The following RGS8 variants were observed in gnomAD, a reference collection of about 807,000 sequenced individuals.
RGS8 encodes regulator of G protein signaling 8.
RGS8 carries 8 observed loss-of-function variants against 21.7 expected under a neutral mutation model. The ratio of observed to expected loss-of-function variants is 0.37; its 90% CI spans 0.22 to 0.66. The LOEUF (loss-of-function observed/expected upper bound fraction) is 0.66. RGS8 is among the 30% of genes least tolerant of loss of function. The pLI, the probability that RGS8 is intolerant of heterozygous loss-of-function variation, is 0.59. For missense variants in RGS8, 157 were observed against 217.9 expected, an observed-to-expected ratio of 0.72 and a Z score of 1.76; for synonymous variants, 80 against 83.6, an observed-to-expected ratio of 0.96 and a Z score of 0.24.
chr1:182,703,893 G>A, the RGS8 span, among the ~76,000 whole-genome samples: 11 of 152,234 alleles, frequency 7.2e-5, no homozygotes, highest in South Asian at 6.2e-4. Flanking sequence ...TTTATTATTC[G>A]TTTAACAAAT....
chr1:182,725,832 C>T, the RGS8 span, among the ~76,000 whole-genome samples: 15 of 152,218 alleles, frequency 9.9e-5, no homozygotes, highest in African/African-American at 2.2e-4. Context: ...TACAGGCAAA[C>T]GAAAGATATA....
At chr1:182,703,861 T>C in the RGS8 span, among the ~76,000 whole-genome samples, 1 of 152,160 alleles carries the variant, frequency 6.6e-6, no homozygotes, top group Admixed American at 6.5e-5. Context: ...AGATAAAAAT[T>C]TGTAGGAGTT....
chr1:182,719,076 G>A, the RGS8 span, among the ~76,000 whole-genome samples: 3 of 152,124 alleles, frequency 2.0e-5, no homozygotes, highest in Non-Finnish European at 2.9e-5. Flanking sequence ...ATGTTTCCCC[G>A]GTTTCTTTCT....
chr1:182,678,149 T>C (rs1278311463), intron 1 of RGS8, among the ~76,000 whole-genome samples: 6 of 152,234 alleles, frequency 3.9e-5, no homozygotes, highest in African/African-American at 1.4e-4. Flanking sequence ...TTTAGAGGTA[T>C]ACTCTGAAAT....
intron 5 of RGS8, among the ~76,000 whole-genome samples, chr1:182,648,964 G>T (rs1238709053): frequency 2.6e-5 from 4 of 152,104 alleles, no homozygotes; most frequent in African/African-American, 7.2e-5. Flanking sequence ...GCTGGGTGTG[G>T]TGGTGCATGC....
the RGS8 span, among the ~76,000 whole-genome samples, chr1:182,706,078 G>A: frequency 6.6e-6 from 1 of 152,076 alleles, no homozygotes; most frequent in Non-Finnish European, 1.5e-5. Flanking sequence ...TGCCTCCTGG[G>A]CTCAAGTAAT....
chr1:182,702,957 C>T, the RGS8 span, among the ~76,000 whole-genome samples: 6,041 of 152,236 alleles, frequency 0.04, 161 homozygotes, highest in East Asian at 0.1. Context: ...AATGTATAGG[C>T]AATGATAAAG....
the RGS8 span, among the ~76,000 whole-genome samples, chr1:182,717,482 A>G: frequency 2.0e-5 from 3 of 152,224 alleles, no homozygotes; most frequent in South Asian, 2.1e-4. Context: ...TAGCACACAG[A>G]TGGTTTCATT....
At chr1:182,675,170 T>C (rs1406637275), upstream of RGS8, among the ~76,000 whole-genome samples, 2 of 152,188 alleles carry the variant, frequency 1.3e-5, no homozygotes, top group Non-Finnish European at 2.9e-5. Context: ...CTGTGCTTAC[T>C]TGTGACATTA....
chr1:182,658,037 C>T (rs373824310), intron 5 of RGS8, among the ~76,000 whole-genome samples: 1 of 152,118 alleles, frequency 6.6e-6, no homozygotes, highest in African/African-American at 2.4e-5. Flanking sequence ...GTCAAGGGTG[C>T]TAAGAAAATT....
chr1:182,690,297 A>G, the RGS8 span, among the ~76,000 whole-genome samples: 14 of 152,146 alleles, frequency 9.2e-5, no homozygotes, highest in African/African-American at 3.4e-4. Flanking sequence ...ATAGCACACT[A>G]CTTTTCGATT....
upstream of RGS8, among the ~76,000 whole-genome samples, chr1:182,686,657 G>A (rs942928517): frequency 1.3e-5 from 2 of 152,204 alleles, no homozygotes; most frequent in Admixed American, 6.5e-5. Flanking sequence ...CTAATTGTGT[G>A]TTTGCCTGAG....
At chr1:182,706,052 G>A in the RGS8 span, among the ~76,000 whole-genome samples, 5 of 151,988 alleles carry the variant, frequency 3.3e-5, no homozygotes, top group Admixed American at 6.6e-5. Context: ...TCACCATCTC[G>A]GGTCCCCGCA....
At chr1:182,673,124 G>A (rs1664241298), upstream of RGS8, among the ~76,000 whole-genome samples, 1 of 152,186 alleles carries the variant, frequency 6.6e-6, no homozygotes, top group African/African-American at 2.4e-5. Context: ...TCCCACTCAG[G>A]AACTAGCTCC....
the RGS8 span, among the ~76,000 whole-genome samples, chr1:182,739,267 G>A: frequency 6.6e-6 from 1 of 152,182 alleles, no homozygotes; most frequent in African/African-American, 2.4e-5. Context: ...GAGAATCAGT[G>A]CTTAACGTGA....
chr1:182,734,575 T>C, the RGS8 span: 1 of 152,234 alleles, frequency 6.6e-6, no homozygotes, highest in East Asian at 1.9e-4. Context: ...CCCAATACTT[T>C]TTCATGCATT....
At chr1:182,646,643 T>C in exon 7 of RGS8, 1 of 1,214,552 alleles carries the variant, frequency 8.2e-7, no homozygotes, top group Non-Finnish European at 1.2e-6. Flanking sequence ...ATGCCACCGC[T>C]TTTGAACACC....
upstream of RGS8, among the ~76,000 whole-genome samples, chr1:182,673,328 T>G (rs990080125): frequency 2.0e-5 from 3 of 152,242 alleles, no homozygotes; most frequent in African/African-American, 7.2e-5. Context: ...TATTCCCATG[T>G]TACAGATGAA....
chr1:182,673,453 A>G (rs1664255341), upstream of RGS8, among the ~76,000 whole-genome samples: 2 of 151,992 alleles, frequency 1.3e-5, no homozygotes, highest in Non-Finnish European at 2.9e-5. Context: ...TCTTTCTACT[A>G]TATCATACCA....
Sources: allele counts gnomAD v4.1 joint callset (sites outside exome capture counted in the v4.1 genomes callset), GRCh38; gene constraint gnomAD v4.1.1; transcripts MANE v1.5; gene names NCBI Gene and HGNC (gene_info 2026-07-23, HGNC 2026-07-21).